The following NUSAP1 variants were observed in gnomAD, a reference collection of about 807,000 sequenced individuals.
NUSAP1 encodes the protein nucleolar and spindle associated protein 1, also known as nucleolar and spindle-associated protein 1.
A neutral mutation model predicts 52.8 loss-of-function variants in NUSAP1; 32 were observed. The ratio of observed to expected loss-of-function variants is 0.61; its 90% CI spans 0.46 to 0.81. The LOEUF is 0.81. NUSAP1 is among the 40% of genes least tolerant of loss of function. The probability of loss-of-function intolerance (pLI) is 0.00; values close to 1 mark genes in which losing one functional copy is unlikely to be tolerated. For missense variants in NUSAP1, 499 were observed against 522.3 expected (o/e 0.96, Z 0.43); for synonymous variants, 195 against 183.1 (o/e 1.06, Z -0.52).
chr15:41,355,869 G>A (rs957690887), intron 4 of NUSAP1, among the ~76,000 whole-genome samples, 170 bp from the exon 5 acceptor site: 5 of 151,200 alleles, frequency 3.3e-5, no homozygotes, highest in East Asian at 2.0e-4. Context: ...GTAGAGATGG[G>A]GTTTGATAGT....
rs80117884 is a variant in NUSAP1 at position 41,377,989 on chromosome 15, C to T, written c.1232+685C>T. Among the ~76,000 whole-genome samples, 3 of 128,444 alleles carry T rather than the reference C, an allele frequency of 2.3e-5. No homozygotes were observed. The East Asian group carries it at 6.7e-4, about 29-fold the overall frequency. 84.3% of individuals were successfully genotyped at this position (128,444 alleles called of 152,430 possible). A position where few individuals can be genotyped will look rare whatever the true frequency, so the allele number is the denominator to read the frequency against. On this transcript the variant is annotated intron_variant, in intron 10 of 10. Transcript: ENST00000559596. ...TGGGCGACAGAGTGAGACTCCGTCTCAAAAAAAAAAAAAAGTGGTATCGTG... is the reference window on the plus strand; with the variant it reads ...TGGGCGACAGAGTGAGACTCCGTCTTAAAAAAAAAAAAAAGTGGTATCGTG...
intron 4 of NUSAP1, among the ~76,000 whole-genome samples, chr15:41,353,589 G>A (rs1016012489): frequency 6.6e-6 from 1 of 152,144 alleles, no homozygotes; most frequent in Admixed American, 6.6e-5. Context: ...GAGAACTTTA[G>A]AAATGGTATT....
intron 1 of NUSAP1, among the ~76,000 whole-genome samples, chr15:41,337,790 TAG>T (rs2048213664): frequency 2.0e-5 from 3 of 152,266 alleles, no homozygotes; most frequent in African/African-American, 7.2e-5. Flanking sequence ...CACTTCTTTC[TAG>T]TCTCCTTGGT....
intron 1 of NUSAP1, among the ~76,000 whole-genome samples, chr15:41,333,424 G>A (rs1346822306): frequency 6.6e-6 from 1 of 152,028 alleles, no homozygotes; most frequent in East Asian, 1.9e-4. Context: ...GTAAATAATT[G>A]GCTCAGCTTC....
intron 8 of NUSAP1, 22 bp downstream of exon 8, chr15:41,371,706 A>C (rs759306255): frequency 7.1e-5 from 112 of 1,571,940 alleles, no homozygotes; most frequent in Non-Finnish European, 8.8e-5. Flanking sequence ...AAAAAACAAA[A>C]GAAATCTGTT....
At chr15:41,344,584 G>C (rs1370364049) in intron 2 of NUSAP1, among the ~76,000 whole-genome samples, 1 of 151,892 alleles carries the variant, frequency 6.6e-6, no homozygotes, top group African/African-American at 2.4e-5. Context: ...CTTGCAGTGA[G>C]CCGAGATCAT....
At position 41,349,129 on chromosome 15, in the gene NUSAP1, A is replaced by G. The variant is rs1302425110; in HGVS notation, c.194A>G (p.Asp65Gly). The G allele has an allele frequency of 1.2e-6, 2 of 1,613,930 alleles. No homozygotes were observed. The highest frequency in any genetic ancestry group is 1.3e-5 in the African/African-American group (1 of 75,050). ...DESQTSASSC[D>G]ETEIQISNQE... Reference sequence around the variant, plus strand: ...AGTCAAACTTCTGCATCCTCTTGTGATGAGACTGAGATACAGATCAGCAAC... The same window carrying G: ...AGTCAAACTTCTGCATCCTCTTGTGGTGAGACTGAGATACAGATCAGCAAC... Residue 65 changes from aspartate (D) to glycine (G), a missense_variant, in exon 3 of 11, where the codon GAT (aspartate) becomes GGT (glycine). Transcript: ENST00000559596.
At chr15:41,349,490 G>C in intron 3 of NUSAP1, 1 of 366,246 alleles carries the variant, frequency 2.7e-6, no homozygotes. Flanking sequence ...AACATTCATT[G>C]AGTGTTCACT....
intron 4 of NUSAP1, among the ~76,000 whole-genome samples, chr15:41,351,687 TGA>T (rs905550200): frequency 6.6e-6 from 1 of 152,122 alleles, no homozygotes; most frequent in Non-Finnish European, 1.5e-5. Flanking sequence ...CTCAGGAGGC[TGA>T]GGTGAAAGGG....
chr15:41,372,987 C>G (rs1250505383), intron 8 of NUSAP1, among the ~76,000 whole-genome samples: 1 of 151,592 alleles, frequency 6.6e-6, no homozygotes. Context: ...ACTCAAGAGG[C>G]TGAGGTAGGA....
Position 41,365,493 on chromosome 15 carries a change from C to T in NUSAP1, c.752C>T (p.Ser251Leu), listed in dbSNP as rs755656020. ...VASTPISQRR[S>L]QGRSCGPASQ... ...TCTACTCCCATCAGCCAACGACGCTCGCAAGGCCGGTCTTGTGGCCCTGCA... is the reference window on the plus strand; with the variant it reads ...TCTACTCCCATCAGCCAACGACGCTTGCAAGGCCGGTCTTGTGGCCCTGCA... The change falls in exon 7 of 11, where the codon TCG becomes TTG. Residue 251 changes from serine to leucine, a missense_variant. Transcript: ENST00000559596. 8 of 1,612,734 alleles carry T rather than the reference C, an allele frequency of 5.0e-6. No individual in the cohort carries two copies. The highest frequency in any genetic ancestry group is 1.7e-5 in the Admixed American group (1 of 59,780).
At chr15:41,347,197 G>T (rs1375470882) in intron 2 of NUSAP1, among the ~76,000 whole-genome samples, 2 of 151,964 alleles carry the variant, frequency 1.3e-5, no homozygotes, top group Admixed American at 6.6e-5. Flanking sequence ...CTGATGATAG[G>T]CCTCACTAAA....
chr15:41,356,091 T>C lies in NUSAP1; in HGVS notation c.501T>C (p.Asp167=), dbSNP rs1430983448. 6.2e-7 allele frequency: 1 copy of C among 1,609,402 alleles called. No individual in the cohort carries two copies. Among genetic ancestry groups the C allele is most frequent in the Non-Finnish European group, 8.5e-7 (1 of 1,177,858 alleles). Residue 167 remains aspartate, a synonymous_variant, in exon 5 of 11, where the codon GAT becomes GAC. Coordinates refer to ENST00000559596, the MANE Select transcript of NUSAP1 (RefSeq NM_016359.5). ...AAGGAAAGAAATCTCTCTACACAGA[T>C]GAGTCATCCAAACCTGGAAAAAATA... ...PSEGKKSLYT[D]ESSKPGKNKR...
intron 8 of NUSAP1, 47 bp downstream of exon 8, chr15:41,371,731 T>C: frequency 6.5e-7 from 1 of 1,549,674 alleles, no homozygotes; most frequent in South Asian, 1.2e-5. Flanking sequence ...TTTTAAGCCA[T>C]GTAACTTCCC....
At position 41,368,142 on chromosome 15, in the gene NUSAP1, A is replaced by G. The variant is rs140070467; in HGVS notation, c.848+2553A>G. ...GGATGAATGCCAGGCATCTCTAGTC[A>G]GCCATCTTGCTGACAGCACTCTGAA... is the stretch of plus-strand genomic sequence containing the variant. On this transcript the variant is annotated intron_variant, in intron 7 of 10. Coordinates refer to ENST00000559596, the MANE Select transcript of NUSAP1 (RefSeq NM_016359.5). Among the ~76,000 whole-genome samples, 312 of 152,260 alleles carry G rather than the reference A, an allele frequency of 2.0e-3. 2 individuals carry two copies. Among genetic ancestry groups the G allele is most frequent in the African/African-American group, 7.1e-3 (293 of 41,540 alleles).
At chr15:41,357,375 A>G (rs1031722827) in intron 5 of NUSAP1, among the ~76,000 whole-genome samples, 2 of 152,112 alleles carry the variant, frequency 1.3e-5, no homozygotes, top group African/African-American at 4.8e-5. Context: ...CTCAAAATAA[A>G]TAAATAAATA....
chr15:41,350,082 A>C (rs1244581848), intron 3 of NUSAP1, among the ~76,000 whole-genome samples: 2 of 152,038 alleles, frequency 1.3e-5, no homozygotes, highest in African/African-American at 4.8e-5. Flanking sequence ...ACACAGTCTT[A>C]ATTTTCTTTT....
At chr15:41,346,348 A>G (rs1466921760) in intron 2 of NUSAP1, among the ~76,000 whole-genome samples, 2 of 151,958 alleles carry the variant, frequency 1.3e-5, no homozygotes, top group African/African-American at 2.4e-5. Flanking sequence ...GTCTCACTCT[A>G]TCACCCAGGC....
At chr15:41,371,761 GT>G in intron 8 of NUSAP1, 77 bp downstream of exon 8, 19 of 1,453,980 alleles carry the variant, frequency 1.3e-5, no homozygotes, top group Admixed American at 2.8e-5. Flanking sequence ...AGGTATATCT[GT>G]TTTTTTTGTT....
Sources: gnomAD v4.1 joint callset for allele counts (sites outside exome capture counted in the v4.1 genomes callset) on GRCh38, gnomAD v4.1.1 for gene constraint, MANE v1.5 for transcripts, NCBI Gene and HGNC (gene_info 2026-07-23, HGNC 2026-07-21) for gene names.